Variants in TREML1 observed in about 807,000 individuals in gnomAD.
TREML1 encodes triggering receptor expressed on myeloid cells like 1, also known as trem-like transcript 1 protein.
Under a neutral mutation model 22.8 loss-of-function variants are expected in TREML1, and 27 were observed. That is an observed-to-expected ratio of 1.19 (90% CI 0.87 to 1.64). The LOEUF is 1.64. Ranked by LOEUF, TREML1 falls within the 40% of genes most tolerant of loss-of-function variation. The pLI is 0.00. For missense variants in TREML1, 356 were observed against 382.0 expected (o/e 0.93, Z 0.57); for synonymous variants, 153 against 161.9 (o/e 0.94, Z 0.42).
At chr6:41,150,040 C>A (rs1765204710) in intron 5 of TREML1, 122 bp from the exon 6 acceptor site, 9 of 1,092,070 alleles carry the variant, frequency 8.2e-6, no homozygotes, top group Non-Finnish European at 1.2e-5. Context: ...GGCAAGAGGG[C>A]TTCATTGTGA....
At position 41,149,869 on chromosome 6, in the gene TREML1, TCAG is replaced by T; in HGVS notation, c.668_670del (p.Ala223del). 2 of 1,614,034 alleles carry T rather than the reference TCAG, an allele frequency of 1.2e-6. No individual in the cohort carries two copies. The highest frequency in any genetic ancestry group is 4.5e-5 in the East Asian group (2 of 44,880). On this transcript the variant is annotated inframe_deletion, in exon 6 of 6. Coordinates refer to ENST00000426005, the MANE Select transcript of TREML1 (RefSeq NM_178174.4). The stretch of plus-strand genomic sequence containing the variant: ...AATGTGTGGTACATCCAAAGGCAAT[TCAG>T]CAGCCGGTCCAGAGTCACTGACGTG...
chr6:41,152,992 A>G (rs1366352811), intron 2 of TREML1, among the ~76,000 whole-genome samples: 2 of 152,072 alleles, frequency 1.3e-5, no homozygotes, highest in African/African-American at 4.8e-5. Flanking sequence ...TCCATAAAAG[A>G]AAAGGAGTGG....
chr6:41,150,011 A>G (rs1216014101), intron 5 of TREML1, 93 bp from the exon 6 acceptor site: 1 of 1,272,050 alleles, frequency 7.9e-7, no homozygotes, highest in African/African-American at 1.5e-5. Context: ...CTATCTCTTG[A>G]ATCCTGAGTA....
At chr6:41,151,207 GT>G (rs1407931870) in intron 3 of TREML1, 74 bp downstream of exon 3, 1 of 1,321,586 alleles carries the variant, frequency 7.6e-7, no homozygotes, top group East Asian at 2.3e-5. Context: ...CTTCGATTTA[GT>G]TTGGAGCTCT....
intron 4 of TREML1, 37 bp downstream of exon 4, chr6:41,150,782 G>A: frequency 6.3e-7 from 1 of 1,580,364 alleles, no homozygotes; most frequent in Non-Finnish European, 8.7e-7. Context: ...ATACTGGAAT[G>A]GTAGGGCCAG....
chr6:41,150,191 G>A (rs1253955138), intron 5 of TREML1, 70 bp downstream of exon 5: 61 of 1,541,578 alleles, frequency 4.0e-5, no homozygotes, highest in Non-Finnish European at 5.1e-5. Context: ...CATCATCCTA[G>A]GACCTCTCAG....
At position 41,149,400 on chromosome 6, in the gene TREML1, G is replaced by A. The variant is rs992430173; in HGVS notation, c.*204C>T. Reference sequence around the variant, plus strand: ...GTGTGTAATGGTAGAAGAACCAGTGGGGGAGTTGGGTGCAGGGAGGTCTTC... The same window carrying A: ...GTGTGTAATGGTAGAAGAACCAGTGAGGGAGTTGGGTGCAGGGAGGTCTTC... On this transcript the variant is annotated 3_prime_UTR_variant, in exon 6 of 6. Transcript: ENST00000426005. 1.1e-5 allele frequency: 6 copies of A among 562,052 alleles called. No homozygotes were observed. The highest frequency in any genetic ancestry group is 9.4e-5 in the African/African-American group (5 of 53,466). 34.8% of individuals were successfully genotyped at this position (562,052 alleles called of 1,614,324 possible).
At chr6:41,155,311 C>T (rs764846895), upstream of TREML1, among the ~76,000 whole-genome samples, 7 of 151,768 alleles carry the variant, frequency 4.6e-5, no homozygotes, top group East Asian at 1.9e-4. Flanking sequence ...TTGAGTGCAA[C>T]GTCCAGAGAT....
rs756136376 is a variant in TREML1 at position 41,149,907 on chromosome 6, T to G, written c.633A>C (p.Ser211=). ...CAGAGTCACTGACGTGGTGGACCACTGAGGAGGGATTCTGTAACAAAAGCA... is the reference window on the plus strand; with the variant it reads ...CAGAGTCACTGACGTGGTGGACCACGGAGGAGGGATTCTGTAACAAAAGCA... ...SSRVSGMNPS[S]VVHHVSDSGP... is the part of the protein sequence containing the mutation. The change falls in exon 6 of 6, where the codon TCA becomes TCC. Residue 211 remains serine, a synonymous_variant. Transcript: ENST00000426005. The G allele has an allele frequency of 1.9e-6, 3 of 1,612,108 alleles. No individual in the cohort carries two copies. The highest frequency in any genetic ancestry group is 2.5e-6 in the Non-Finnish European group (3 of 1,178,620).
In TREML1 at chr6:41,149,784, G is replaced by A. The variant is rs755034183; in HGVS notation, c.756C>T (p.Ser252=). The A allele has an allele frequency of 6.2e-7, 1 of 1,614,176 alleles. No homozygotes were observed. The highest frequency in any genetic ancestry group is 8.5e-7 in the Non-Finnish European group (1 of 1,180,032). ...CTGGGAGTGAAGGTTTTCCTGATGG[G>A]GAATCAAGAGGTAGGCTGGTGTAGG... The part of the protein sequence containing the change: ...NTTYTSLPLD[S]PSGKPSLPAP... The change falls in exon 6 of 6, where the codon TCC becomes TCT. Residue 252 remains serine (S), a synonymous_variant. Transcript: ENST00000426005.
chr6:41,150,614 G>A (rs1416058153), intron 4 of TREML1, among the ~76,000 whole-genome samples: 2 of 151,724 alleles, frequency 1.3e-5, no homozygotes, highest in East Asian at 3.9e-4. Flanking sequence ...TCTAATTCCT[G>A]TCTTTCTGCA....
At position 41,152,260 on chromosome 6, in the gene TREML1, G is replaced by A. The variant is rs183664565; in HGVS notation, c.377-876C>T. 5.9e-5 allele frequency among the ~76,000 whole-genome samples: 9 copies of A among 152,182 alleles called. No individual in the cohort carries two copies. In the East Asian group the frequency reaches 9.7e-4, roughly 16 times the overall value. On this transcript the variant is annotated intron_variant, in intron 2 of 5. Coordinates refer to ENST00000426005, the MANE Select transcript of TREML1 (RefSeq NM_178174.4). ...CTGAAGCTAAATGCTCACCTGAGCC[G>A]CAAGCCACATCATCTCTGGATGCTA...
chr6:41,150,918 G>A lies in TREML1; in HGVS notation c.480-11C>T. ...CAGATCAAGGGGATGCTGAGGAACA[G>A]AAAGGGATAGGCAGGCTTAGACCTG... is the stretch of plus-strand genomic sequence containing the variant. On this transcript the variant is annotated splice_polypyrimidine_tract_variant and intron_variant, in intron 3 of 5. Transcript: ENST00000426005. 1.2e-6 allele frequency: 2 copies of A among 1,613,540 alleles called. No individual in the cohort carries two copies. The highest frequency in any genetic ancestry group is 1.1e-5 in the South Asian group (1 of 91,030).
chr6:41,151,084 T>A (rs570034974), intron 3 of TREML1, among the ~76,000 whole-genome samples, 177 bp from the exon 4 acceptor site: 39 of 152,276 alleles, frequency 2.6e-4, no homozygotes, highest in African/African-American at 7.9e-4. Context: ...GTATCCTGGC[T>A]GAAGAATCAC....
At chr6:41,153,701 T>C (rs1421880879) in intron 2 of TREML1, 57 bp downstream of exon 2, 2 of 1,505,284 alleles carry the variant, frequency 1.3e-6, no homozygotes, top group East Asian at 4.5e-5. Context: ...GCCCTGGCAA[T>C]AGGCGGGGGT....
chr6:41,154,972 A>C (rs555801916), upstream of TREML1, among the ~76,000 whole-genome samples: 54 of 151,800 alleles, frequency 3.6e-4, no homozygotes, highest in African/African-American at 1.2e-3. Flanking sequence ...TCGTGTGTTC[A>C]TCTCATTTTC....
chr6:41,154,974 C>T (rs1200006642), upstream of TREML1, among the ~76,000 whole-genome samples: 1 of 152,126 alleles, frequency 6.6e-6, no homozygotes, highest in African/African-American at 2.4e-5. Context: ...GTGTGTTCAT[C>T]TCATTTTCAT....
At position 41,151,585 on chromosome 6, in the gene TREML1, C is replaced by T. The variant is rs1249946771; in HGVS notation, c.377-201G>A. The T allele has an allele frequency of 3.5e-6, 2 of 575,976 alleles. 1 individual carries two copies. 35.7% of individuals were successfully genotyped at this position (575,976 alleles called of 1,614,324 possible). A position where few individuals can be genotyped will look rare whatever the true frequency, so the allele number is the denominator to read the frequency against. ...TCCACAGATCAGGAAATGGCACTGG[C>T]TCTTTATGTCTTTACCTGGTTGTGA... On this transcript the variant is annotated intron_variant, in intron 2 of 5. Transcript: ENST00000426005.
rs576924295 is a variant in TREML1, at chr6:41,154,047, G to A, written c.87C>T (p.Pro29=). The A allele has an allele frequency of 5.0e-4, 815 of 1,613,976 alleles. 13 individuals carry two copies. In the South Asian group the frequency reaches 7.9e-3, roughly 16 times the overall value. ...ACTGCACCAGAATGGAGCTTCCCAC[G>A]GGTGCCTGCAGCACCTCAGGGAGGC... The part of the protein sequence containing the change: ...VGSLPEVLQA[P]VGSSILVQCH... Residue 29 remains proline, a synonymous_variant, in exon 2 of 6, where the codon CCC becomes CCT. Transcript: ENST00000426005.
Sources: gnomAD v4.1 joint callset for allele counts (sites outside exome capture counted in the v4.1 genomes callset) on GRCh38, gnomAD v4.1.1 for gene constraint, MANE v1.5 for transcripts, NCBI Gene and HGNC (gene_info 2026-07-23, HGNC 2026-07-21) for gene names.